The following RIMS1 variants were observed in gnomAD, a reference collection of about 807,000 sequenced individuals.
RIMS1 encodes the protein regulating synaptic membrane exocytosis protein 1.
RIMS1 carries 83 observed loss-of-function variants against 214.1 expected under a neutral mutation model. The ratio of observed to expected loss-of-function variants is 0.39; its 90% CI spans 0.32 to 0.47. RIMS1 has a LOEUF of 0.47. RIMS1 is among the 20% of genes least tolerant of loss of function. The probability of loss-of-function intolerance (pLI) is 0.99; values close to 1 mark genes in which losing one functional copy is unlikely to be tolerated. For synonymous variants in RIMS1, 793 were observed against 786.8 expected, an observed-to-expected ratio of 1.01 and a Z score of -0.13; for missense variants, 2,050 against 2,161.8, an observed-to-expected ratio of 0.95 and a Z score of 1.03.
At chr6:72,165,319 C>A (rs2046101003) in intron 4 of RIMS1, among the ~76,000 whole-genome samples, 1 of 152,050 alleles carries the variant, frequency 6.6e-6, no homozygotes, top group African/African-American at 2.4e-5. Context: ...ATTTTCATTT[C>A]TTTTATGTAA....
At chr6:72,119,253 A>C (rs1301049927) in intron 4 of RIMS1, among the ~76,000 whole-genome samples, 1 of 151,460 alleles carries the variant, frequency 6.6e-6, no homozygotes, top group Non-Finnish European at 1.5e-5. Context: ...AAAATACTTA[A>C]CCAAGCAGGT....
chr6:72,376,514 G>A (rs1364654738), intron 29 of RIMS1, among the ~76,000 whole-genome samples: 3 of 152,180 alleles, frequency 2.0e-5, no homozygotes, highest in Admixed American at 1.3e-4. Flanking sequence ...AGCACTGGGG[G>A]AGGCCGAGGC....
intron 28 of RIMS1, among the ~76,000 whole-genome samples, chr6:72,318,810 A>G (rs1025380963): frequency 3.3e-5 from 5 of 152,080 alleles, no homozygotes; most frequent in African/African-American, 4.8e-5. Context: ...TTCATCATTC[A>G]CTTACCGACC....
intron 1 of RIMS1, among the ~76,000 whole-genome samples, chr6:71,946,278 C>A (rs918400160): frequency 2.6e-5 from 4 of 152,076 alleles, no homozygotes; most frequent in African/African-American, 7.2e-5. Flanking sequence ...CAGAAAAATA[C>A]AATTCTAAAA....
chr6:71,963,056 T>C (rs1793414213), intron 1 of RIMS1, among the ~76,000 whole-genome samples: 1 of 152,182 alleles, frequency 6.6e-6, no homozygotes, highest in South Asian at 2.1e-4. Flanking sequence ...TTGAATTATG[T>C]AGGATGATTT....
At chr6:72,293,451 A>C (rs1165220939) in intron 26 of RIMS1, among the ~76,000 whole-genome samples, 3 of 151,890 alleles carry the variant, frequency 2.0e-5, no homozygotes, top group Non-Finnish European at 2.9e-5. Context: ...TTTAAAGCAA[A>C]AGTTGGTGTT....
rs145981223 is a variant in RIMS1 at position 71,995,216 on chromosome 6, T to C, written c.245+26153T>C. On this transcript the variant is annotated intron_variant, in intron 2 of 33. Coordinates refer to ENST00000521978, the MANE Select transcript of RIMS1 (RefSeq NM_014989.7). The stretch of plus-strand genomic sequence containing the variant: ...AGCAGAACTTTAAAAGCTGAGCTTA[T>C]GTCTGAAATGCACTGTTCAAAACTA... 2.8e-3 allele frequency among the ~76,000 whole-genome samples: 432 copies of C among 152,346 alleles called. 5 individuals carry two copies. Among genetic ancestry groups the C allele is most frequent in the African/African-American group, 9.7e-3 (403 of 41,588 alleles).
At chr6:72,324,977 C>T (rs568028700) in intron 28 of RIMS1, among the ~76,000 whole-genome samples, 1 of 150,098 alleles carries the variant, frequency 6.7e-6, no homozygotes, top group East Asian at 1.9e-4. Flanking sequence ...CTAAAAATGA[C>T]ATAAGAATAA....
chr6:72,000,487 A>G (rs187221872), intron 2 of RIMS1, among the ~76,000 whole-genome samples: 76 of 152,250 alleles, frequency 5.0e-4, no homozygotes, highest in African/African-American at 1.7e-3. Context: ...CTTCTCTACA[A>G]TCTTTTCTAC....
At chr6:72,317,220 G>T in intron 28 of RIMS1, 1 of 306,014 alleles carries the variant, frequency 3.3e-6, no homozygotes. Flanking sequence ...GTGGCAGCAG[G>T]GGACTGGGAG....
At chr6:72,026,285 A>G (rs1437432463) in intron 2 of RIMS1, among the ~76,000 whole-genome samples, 1 of 152,036 alleles carries the variant, frequency 6.6e-6, no homozygotes, top group Admixed American at 6.6e-5. Context: ...TCTACTTTCC[A>G]CCTCAGATTT....
chr6:71,933,590 A>G (rs1783679645), intron 1 of RIMS1, among the ~76,000 whole-genome samples: 1 of 151,962 alleles, frequency 6.6e-6, no homozygotes, highest in Non-Finnish European at 1.5e-5. Flanking sequence ...TTGAAGACCA[A>G]AATACCAGTG....
At chr6:72,288,148 G>C (rs2092714453) in intron 24 of RIMS1, among the ~76,000 whole-genome samples, 1 of 152,130 alleles carries the variant, frequency 6.6e-6, no homozygotes, top group South Asian at 2.1e-4. Flanking sequence ...GAGCTGGACA[G>C]ACCTGTGTGG....
intron 18 of RIMS1, among the ~76,000 whole-genome samples, chr6:72,259,349 A>C (rs149122980): frequency 2.1e-4 from 32 of 152,298 alleles, no homozygotes; most frequent in African/African-American, 7.2e-4. Context: ...ATGCTTAGAC[A>C]GCTTTAAAGG....
intron 2 of RIMS1, among the ~76,000 whole-genome samples, chr6:72,070,606 C>G (rs946429692): frequency 6.6e-6 from 1 of 152,018 alleles, no homozygotes; most frequent in East Asian, 1.9e-4. Flanking sequence ...GTTTTAAAAC[C>G]TGTGCTGTAC....
At chr6:72,226,159 T>G (rs554643660) in intron 6 of RIMS1, among the ~76,000 whole-genome samples, 3 of 152,182 alleles carry the variant, frequency 2.0e-5, no homozygotes, top group African/African-American at 4.8e-5. Flanking sequence ...GTTTGTGTGT[T>G]TGTTGTTCAA....
At chr6:72,016,451 C>T (rs1404064579) in intron 2 of RIMS1, among the ~76,000 whole-genome samples, 1 of 152,080 alleles carries the variant, frequency 6.6e-6, no homozygotes, top group Non-Finnish European at 1.5e-5. Context: ...TTTCTTGGGG[C>T]AGCTGGTTTT....
At chr6:72,195,208 CTTCT>C (rs1248205866) in intron 6 of RIMS1, among the ~76,000 whole-genome samples, 1 of 152,146 alleles carries the variant, frequency 6.6e-6, no homozygotes, top group Non-Finnish European at 1.5e-5. Flanking sequence ...GATTTCCTTC[CTTCT>C]TTATCTTCTC....
chr6:72,007,735 T>A (rs1258173497), intron 2 of RIMS1, among the ~76,000 whole-genome samples: 1 of 152,010 alleles, frequency 6.6e-6, no homozygotes, highest in African/African-American at 2.4e-5. Flanking sequence ...TGATGGAAGA[T>A]CAAATGAACG....
Sources: allele counts gnomAD v4.1 joint callset (sites outside exome capture counted in the v4.1 genomes callset), GRCh38; gene constraint gnomAD v4.1.1; transcripts MANE v1.5; gene names NCBI Gene and HGNC (gene_info 2026-07-23, HGNC 2026-07-21).